The following CUX1 variants were observed in gnomAD, a reference collection of about 807,000 sequenced individuals.
CUX1 encodes the protein protein CASP.
Under a neutral mutation model 158.8 loss-of-function variants are expected in CUX1, and 31 were observed. That is an observed-to-expected ratio of 0.20 (90% CI 0.15 to 0.26). The LOEUF (loss-of-function observed/expected upper bound fraction) is 0.26. CUX1 is among the 10% of genes least tolerant of loss of function. The pLI, the probability that CUX1 is intolerant of heterozygous loss-of-function variation, is 1.00. For missense variants in CUX1, 1,589 were observed against 2,014.6 expected (o/e 0.79, Z 4.04); for synonymous variants, 879 against 862.1 (o/e 1.02, Z -0.34).
At chr7:102,237,638 C>T (rs1799714189) in intron 22 of CUX1, among the ~76,000 whole-genome samples, 1 of 152,178 alleles carries the variant, frequency 6.6e-6, no homozygotes, top group Non-Finnish European at 1.5e-5. Context: ...CCCCTTCTGC[C>T]TCCCCAGGTG....
chr7:102,007,864 C>T (rs1490902007), intron 2 of CUX1, among the ~76,000 whole-genome samples: 3 of 151,938 alleles, frequency 2.0e-5, no homozygotes, highest in African/African-American at 7.3e-5. Flanking sequence ...ACTGTCTCAG[C>T]CTCCTGAGTA....
At chr7:102,161,193 T>A (rs1471418796) in intron 9 of CUX1, 7 of 151,888 alleles carry the variant, frequency 4.6e-5, no homozygotes, top group African/African-American at 1.2e-4. Flanking sequence ...CCATAAAAAA[T>A]ACAAAAGTTA....
Position 101,926,454 on chromosome 7 carries a change from T to A in CUX1, c.141+10229T>A, listed in dbSNP as rs907948897. Among the ~76,000 whole-genome samples the A allele has an allele frequency of 2.6e-5, 4 of 152,104 alleles. No individual in the cohort carries two copies. In the East Asian group the frequency reaches 7.7e-4, roughly 29 times the overall value. ...ATCCCAGCAAGACTTTGCCGCATGG[T>A]CTGGAGGGCACCAGCAGGGGCCTGT... is the stretch of plus-strand genomic sequence containing the variant. On this transcript the variant is annotated intron_variant, in intron 2 of 23. Coordinates refer to ENST00000292535, the MANE Select transcript of CUX1 (RefSeq NM_181552.4).
upstream of CUX1, chr7:101,816,984 C>T (rs1791895875): frequency 6.1e-6 from 6 of 984,154 alleles, no homozygotes; most frequent in Middle Eastern, 5.2e-4. Context: ...GCGGCCGCCG[C>T]GCTCTTTTGT....
intron 8 of CUX1, among the ~76,000 whole-genome samples, chr7:102,156,271 A>G (rs1465337377): frequency 1.3e-5 from 2 of 152,072 alleles, no homozygotes; most frequent in Non-Finnish European, 2.9e-5. Context: ...ATTTATAAAG[A>G]AGATAGGTTT....
intron 2 of CUX1, among the ~76,000 whole-genome samples, chr7:101,990,385 TG>T (rs1814943216): frequency 1.3e-5 from 2 of 150,954 alleles, no homozygotes; most frequent in East Asian, 3.9e-4. Context: ...TTTGTTTGTT[TG>T]TTTGTTTTGT....
At chr7:101,941,178 G>A (rs1298451684) in intron 2 of CUX1, among the ~76,000 whole-genome samples, 3 of 152,148 alleles carry the variant, frequency 2.0e-5, no homozygotes, top group Non-Finnish European at 4.4e-5. Flanking sequence ...ATGGAGCCTC[G>A]GACCTGACAG....
intron 3 of CUX1, among the ~76,000 whole-genome samples, chr7:102,068,025 A>G (rs1825738285): frequency 1.3e-5 from 2 of 151,974 alleles, no homozygotes; most frequent in Admixed American, 6.6e-5. Flanking sequence ...CATCTCAAAA[A>G]AAAGTCCTTG....
At chr7:102,059,353 A>G (rs73185880) in intron 3 of CUX1, among the ~76,000 whole-genome samples, 22,297 of 151,974 alleles carry the variant, frequency 0.15, 1,718 homozygotes, top group Middle Eastern at 0.22. Flanking sequence ...ACTAAGTGGG[A>G]CCGGGTACAG....
intron 1 of CUX1, among the ~76,000 whole-genome samples, chr7:101,890,143 G>T (rs1800716986): frequency 1.3e-5 from 2 of 152,352 alleles, no homozygotes; most frequent in Admixed American, 1.3e-4. Flanking sequence ...ACGTGCTTCA[G>T]TATCAGGGAA....
Position 102,196,807 on chromosome 7 carries a change from G to A in CUX1, c.1396G>A (p.Ala466Thr), listed in dbSNP as rs1196067867. The A allele has an allele frequency of 4.3e-6, 7 of 1,614,004 alleles. No individual in the cohort carries two copies. In the East Asian group the frequency reaches 1.3e-4, roughly 31 times the overall value. Residue 466 changes from alanine to threonine, a missense_variant, in exon 15 of 24, where the codon GCA becomes ACA. By Grantham distance (58) the Ala-to-Thr change is moderately conservative (BLOSUM62 0). Transcript: ENST00000292535. ...LSQDFFSSSL[A>T]SPSLPLASTG... ...TCAAGACTTTTTCAGCTCATCCCTG[G>A]CAAGCCCCAGCCTACCCCTGGCTTC...
chr7:102,205,403 CTT>C (rs1554520830), intron 20 of CUX1, among the ~76,000 whole-genome samples: 2 of 152,186 alleles, frequency 1.3e-5, no homozygotes, highest in African/African-American at 4.8e-5. Context: ...CACTGTCATC[CTT>C]TGTCGGCCCA....
chr7:102,037,632 G>A (rs1030315627), intron 3 of CUX1, among the ~76,000 whole-genome samples: 1 of 150,450 alleles, frequency 6.6e-6, no homozygotes, highest in Non-Finnish European at 1.5e-5. Flanking sequence ...GATTACAGGT[G>A]TGAGCCACCA....
intron 16 of CUX1, chr7:102,275,152 C>A: frequency 1.2e-6 from 1 of 856,222 alleles, no homozygotes; most frequent in Non-Finnish European, 1.8e-6. Flanking sequence ...TGGCATTTGG[C>A]AGAAATCCCC....
chr7:101,855,986 C>T (rs546639226), intron 1 of CUX1, among the ~76,000 whole-genome samples: 7 of 151,514 alleles, frequency 4.6e-5, no homozygotes, highest in Non-Finnish European at 8.8e-5. Flanking sequence ...TTGTGACTAG[C>T]CTGGGCAACA....
At chr7:102,065,591 A>G (rs1825457167) in intron 3 of CUX1, among the ~76,000 whole-genome samples, 1 of 152,162 alleles carries the variant, frequency 6.6e-6, no homozygotes, top group African/African-American at 2.4e-5. Flanking sequence ...GTCCATTTGC[A>G]TACTGAATTC....
At chr7:102,146,993 G>A (rs1363529758) in intron 8 of CUX1, among the ~76,000 whole-genome samples, 3 of 152,166 alleles carry the variant, frequency 2.0e-5, no homozygotes, top group Admixed American at 6.6e-5. Flanking sequence ...AGCAGACAGA[G>A]GTGACATCCT....
chr7:102,248,852 ACAGCAG>A lies in CUX1; in HGVS notation c.4339_4344del (p.Ser1447_Ser1448del). 1 of 1,246,594 alleles carries A rather than the reference ACAGCAG, an allele frequency of 8.0e-7. No homozygotes were observed. The highest frequency in any genetic ancestry group is 2.0e-5 in the South Asian group (1 of 48,992). The allele number at this position is 1,246,594 out of a possible 1,614,324, so 77.2% of individuals were successfully genotyped here. On this transcript the variant is annotated inframe_deletion, in exon 24 of 24. Transcript: ENST00000292535. The surrounding 1 kb of genome is among the most constrained non-coding windows in gnomAD (Gnocchi z 5.8). ...CCGAGCTCCGCGCCGCCGCCCAGCA[ACAGCAG>A]CAGCAGCAGCGCCCCCCGCAGGCCC...
At chr7:102,175,011 G>A (rs1454155919) in intron 10 of CUX1, among the ~76,000 whole-genome samples, 1 of 152,192 alleles carries the variant, frequency 6.6e-6, no homozygotes, top group African/African-American at 2.4e-5. Context: ...CATTTCCAAG[G>A]TCTTACTGCT....
Sources: allele counts gnomAD v4.1 joint callset (sites outside exome capture counted in the v4.1 genomes callset), GRCh38; gene constraint gnomAD v4.1.1; non-coding constraint Gnocchi (gnomAD v3.1); transcripts MANE v1.5; gene names NCBI Gene and HGNC (gene_info 2026-07-23, HGNC 2026-07-21).